Variants in KLF17 observed in about 807,000 individuals in gnomAD.
KLF17 encodes Krueppel-like factor 17.
A neutral mutation model predicts 34.2 loss-of-function variants in KLF17; 31 were observed. That is an observed-to-expected ratio of 0.91 (90% CI 0.68 to 1.22). The LOEUF is 1.22. Ranked by LOEUF, KLF17 falls within the 50% of genes most tolerant of loss-of-function variation. The probability of loss-of-function intolerance (pLI) is 0.00; values close to 1 mark genes in which losing one functional copy is unlikely to be tolerated. For missense variants in KLF17, 478 were observed against 505.2 expected (o/e 0.95, Z 0.52); for synonymous variants, 179 against 186.7 (o/e 0.96, Z 0.34).
At chr1:44,074,802 T>G in the KLF17 span, 1 of 152,198 alleles carries the variant, frequency 6.6e-6, no homozygotes, top group African/African-American at 2.4e-5. Context: ...ATCTGACTTC[T>G]CAGAAGGCCC....
At chr1:44,048,598 T>A in the KLF17 span, 2 of 152,210 alleles carry the variant, frequency 1.3e-5, no homozygotes. Flanking sequence ...TTAAGCTAGT[T>A]GGTTACAAAT....
Position 44,129,820 on chromosome 1 carries a change from G to A in KLF17, c.549G>A (p.Ser183=), listed in dbSNP as rs759531219. The A allele has an allele frequency of 5.6e-6, 9 of 1,613,988 alleles. No individual in the cohort carries two copies. Among genetic ancestry groups the A allele is most frequent in the Admixed American group, 1.7e-5 (1 of 59,990 alleles). ...CTCCAGTGCCTTACCCTGGCCTCTC[G>A]ACAGTACCTTCTGACGAAACATTGT... The part of the protein sequence containing the change: ...GNPPVPYPGL[S]TVPSDETLLG... The change falls in exon 2 of 4, where the codon TCG becomes TCA. Residue 183 remains serine (S), a synonymous_variant. Transcript: ENST00000372299.
chr1:44,127,692 T>TTTCTTTCTTTCTTTCTTTCTTTC (rs1553171671), intron 1 of KLF17, among the ~76,000 whole-genome samples: 2 of 90,136 alleles, frequency 2.2e-5, no homozygotes, highest in African/African-American at 1.1e-4. Flanking sequence ...CTTTCTTTCT[T>TTTCTTTCTTTCTTTCTTTCTTTC]TTTCTTTCTT....
rs2088140234 is a variant in KLF17, at chr1:44,133,891, C to G, written c.*654C>G. 1 of 152,244 alleles carries G rather than the reference C, an allele frequency of 6.6e-6. No homozygotes were observed. The highest frequency in any genetic ancestry group is 2.4e-5 in the African/African-American group (1 of 41,454). 9.4% of individuals were successfully genotyped at this position (152,244 alleles called of 1,614,324 possible). On this transcript the variant is annotated 3_prime_UTR_variant, in exon 4 of 4. Coordinates refer to ENST00000372299, the MANE Select transcript of KLF17 (RefSeq NM_173484.4). The stretch of plus-strand genomic sequence containing the variant: ...AAGTGGCTCATTTATGACCCATTCA[C>G]TAGCCCCAGGGATTGAAGTCTTGGG...
At chr1:44,097,130 T>C in the KLF17 span, among the ~76,000 whole-genome samples, 19 of 152,166 alleles carry the variant, frequency 1.2e-4, no homozygotes, top group African/African-American at 4.6e-4. Context: ...CAGATGATTG[T>C]AGATGTGTGG....
the KLF17 span, among the ~76,000 whole-genome samples, chr1:44,091,803 C>T: frequency 1.3e-5 from 2 of 151,066 alleles, no homozygotes; most frequent in South Asian, 2.1e-4. Flanking sequence ...TTGAATCACA[C>T]TTTAAGAACT....
chr1:44,074,066 T>C, the KLF17 span, among the ~76,000 whole-genome samples: 1 of 152,106 alleles, frequency 6.6e-6, no homozygotes, highest in Non-Finnish European at 1.5e-5. Flanking sequence ...CCATGTCCAT[T>C]GCAACATGCT....
chr1:44,120,797 T>C (rs576667305), intron 1 of KLF17, among the ~76,000 whole-genome samples: 6 of 152,328 alleles, frequency 3.9e-5, no homozygotes, highest in African/African-American at 1.4e-4. Context: ...GTCTGTCTTA[T>C]GCTAGTTGCT....
chr1:44,050,691 C>A, the KLF17 span, among the ~76,000 whole-genome samples: 4 of 152,124 alleles, frequency 2.6e-5, no homozygotes, highest in African/African-American at 9.7e-5. Context: ...CCAAGGTGGG[C>A]AGATCACTTG....
chr1:44,082,281 T>C, the KLF17 span, among the ~76,000 whole-genome samples: 2 of 152,252 alleles, frequency 1.3e-5, no homozygotes, highest in African/African-American at 4.8e-5. Flanking sequence ...AGTGATGTAT[T>C]GAACTCAGGG....
chr1:44,067,410 TA>T, the KLF17 span, among the ~76,000 whole-genome samples: 1 of 152,200 alleles, frequency 6.6e-6, no homozygotes, highest in Non-Finnish European at 1.5e-5. Context: ...ATGAGTGACA[TA>T]AGGAAGGCTC....
At chr1:44,059,190 C>T in the KLF17 span, among the ~76,000 whole-genome samples, 5 of 152,178 alleles carry the variant, frequency 3.3e-5, no homozygotes, top group African/African-American at 1.2e-4. Flanking sequence ...TTAAAAGAAT[C>T]AACACTCAGC....
the KLF17 span, among the ~76,000 whole-genome samples, chr1:44,098,700 A>G: frequency 0.32 from 48,404 of 150,248 alleles, 7,863 homozygotes; most frequent in South Asian, 0.38. Context: ...ACAGGTGCCC[A>G]CCACCACGCC....
chr1:44,125,554 G>A (rs1571987987), intron 1 of KLF17, among the ~76,000 whole-genome samples: 2 of 152,250 alleles, frequency 1.3e-5, no homozygotes, highest in African/African-American at 2.4e-5. Context: ...TGCAAACTCT[G>A]TCTCCTGGAT....
the KLF17 span, among the ~76,000 whole-genome samples, chr1:44,068,086 G>A: frequency 1.3e-5 from 2 of 152,118 alleles, no homozygotes; most frequent in East Asian, 1.9e-4. Flanking sequence ...GTGCAGTGGT[G>A]TGATCTCGGC....
chr1:44,066,870 G>A, the KLF17 span, among the ~76,000 whole-genome samples: 2 of 152,140 alleles, frequency 1.3e-5, no homozygotes, highest in South Asian at 2.1e-4. Flanking sequence ...GCCACAACAT[G>A]GATAATCTTA....
At chr1:44,046,856 C>T in the KLF17 span, among the ~76,000 whole-genome samples, 1 of 152,072 alleles carries the variant, frequency 6.6e-6, no homozygotes, top group Non-Finnish European at 1.5e-5. Flanking sequence ...AACCTGGTCT[C>T]TACTAAAAAT....
At chr1:44,057,644 A>G in the KLF17 span, among the ~76,000 whole-genome samples, 1 of 152,238 alleles carries the variant, frequency 6.6e-6, no homozygotes, top group Non-Finnish European at 1.5e-5. Context: ...AGGATCCCTC[A>G]GGATGGTTGC....
chr1:44,127,666 CTTT>C (rs1557731870), intron 1 of KLF17, among the ~76,000 whole-genome samples: 14 of 40,414 alleles, frequency 3.5e-4, no homozygotes, highest in African/African-American at 9.7e-4. Context: ...TTCTTTCTTT[CTTT>C]CTTTCTTTCT....
Sources: gnomAD v4.1 joint callset for allele counts (sites outside exome capture counted in the v4.1 genomes callset) on GRCh38, gnomAD v4.1.1 for gene constraint, MANE v1.5 for transcripts, NCBI Gene and HGNC (gene_info 2026-07-23, HGNC 2026-07-21) for gene names.